CCDC93: variants seen among roughly 807,000 people sequenced by gnomAD.
The protein encoded by CCDC93 is CCC complex scaffolding subunit CCDC93.
Under a neutral mutation model 108.2 loss-of-function variants are expected in CCDC93, and 61 were observed. That is an observed-to-expected ratio of 0.56 (90% CI 0.46 to 0.70). The LOEUF is 0.70. Among genes scored for constraint, CCDC93 ranks in the 30% least tolerant of loss-of-function variants. The pLI is 0.00. For missense variants in CCDC93, 685 were observed against 764.2 expected (o/e 0.90, Z 1.22); for synonymous variants, 276 against 260.4 (o/e 1.06, Z -0.58).
intron 3 of CCDC93, among the ~76,000 whole-genome samples, chr2:118,002,120 A>G (rs1014126052): frequency 6.6e-6 from 1 of 152,170 alleles, no homozygotes; most frequent in Non-Finnish European, 1.5e-5. Flanking sequence ...ATAAACAAAT[A>G]CAGTACTATG....
At chr2:117,995,220 G>A (rs1020681669) in intron 6 of CCDC93, among the ~76,000 whole-genome samples, 2 of 152,290 alleles carry the variant, frequency 1.3e-5, no homozygotes, top group Admixed American at 1.3e-4. Flanking sequence ...CCTTAAAAGT[G>A]GAAGTGAGGG....
chr2:117,977,866 C>A, intron 8 of CCDC93, 128 bp downstream of exon 8: 1 of 798,104 alleles, frequency 1.3e-6, no homozygotes, highest in Non-Finnish European at 2.1e-6. Flanking sequence ...GATGCAGGGG[C>A]CAAAGGCAGC....
At chr2:117,953,316 A>G (rs1273766558) in intron 12 of CCDC93, among the ~76,000 whole-genome samples, 2 of 152,164 alleles carry the variant, frequency 1.3e-5, no homozygotes, top group Non-Finnish European at 2.9e-5. Context: ...TTCATGACTG[A>G]TAAATAGTTA....
At chr2:117,992,255 T>G (rs554583253) in intron 6 of CCDC93, among the ~76,000 whole-genome samples, 129 of 152,152 alleles carry the variant, frequency 8.5e-4, no homozygotes, top group Non-Finnish European at 1.7e-3. Context: ...TTTTATTTAT[T>G]GTTTTGAGAC....
chr2:118,011,060 G>C (rs907880401), intron 1 of CCDC93, among the ~76,000 whole-genome samples: 1 of 151,950 alleles, frequency 6.6e-6, no homozygotes, highest in Non-Finnish European at 1.5e-5. Context: ...TATATACTTG[G>C]GTTTACTCCT....
At chr2:117,920,427 T>A (rs201946319) in intron 23 of CCDC93, 31 bp from the exon 24 acceptor site, 30 of 1,548,082 alleles carry the variant, frequency 1.9e-5, no homozygotes, top group Non-Finnish European at 4.5e-6. Context: ...ATAGAGAGAG[T>A]GGTGACTACA....
intron 7 of CCDC93, among the ~76,000 whole-genome samples, 181 bp downstream of exon 7, chr2:117,985,788 T>C (rs1378117763): frequency 2.0e-5 from 3 of 152,080 alleles, no homozygotes; most frequent in East Asian, 1.9e-4. Flanking sequence ...CAGAGAGGAA[T>C]TGCAAAGGAT....
intron 11 of CCDC93, among the ~76,000 whole-genome samples, chr2:117,960,036 TG>T (rs1314958731): frequency 1.3e-5 from 2 of 152,232 alleles, no homozygotes; most frequent in African/African-American, 4.8e-5. Context: ...TGGATTGACC[TG>T]AACTATGCTA....
chr2:117,955,178 A>G lies in CCDC93; in HGVS notation c.1006-2743T>C, dbSNP rs143246366. Among the ~76,000 whole-genome samples, 550 of 152,342 alleles carry G rather than the reference A, an allele frequency of 3.6e-3. 5 individuals are homozygous for G. The highest frequency in any genetic ancestry group is 0.013 in the African/African-American group (531 of 41,564). On this transcript the variant is annotated intron_variant, in intron 12 of 23. Coordinates refer to ENST00000376300, the MANE Select transcript of CCDC93 (RefSeq NM_019044.5). ...CAAAGTGCTTAGTAATTAGTAAGCA[A>G]TAACAAAGCACTTATTAGCCATTAC... is the stretch of plus-strand genomic sequence containing the variant.
rs1013487693 is a variant in CCDC93 at position 118,008,056 on chromosome 2, G to A, written c.156+489C>T. On this transcript the variant is annotated intron_variant, in intron 2 of 23. Coordinates refer to ENST00000376300, the MANE Select transcript of CCDC93 (RefSeq NM_019044.5). The stretch of plus-strand genomic sequence containing the variant: ...AGAACTGTGCCTCTGTTTTTTCTCT[G>A]TGTCCTCAACACCTATTACTATGAT... 2.0e-5 allele frequency among the ~76,000 whole-genome samples: 3 copies of A among 152,272 alleles called. No homozygotes were observed. The South Asian group carries it at 6.2e-4, about 32-fold the overall frequency.
At chr2:117,946,160 G>C (rs1427286818) in intron 16 of CCDC93, among the ~76,000 whole-genome samples, 1 of 152,202 alleles carries the variant, frequency 6.6e-6, no homozygotes, top group Non-Finnish European at 1.5e-5. Flanking sequence ...CATGGGCACT[G>C]TCCAGTGCAG....
At chr2:117,959,340 T>C (rs1679317746) in intron 11 of CCDC93, among the ~76,000 whole-genome samples, 1 of 152,230 alleles carries the variant, frequency 6.6e-6, no homozygotes, top group Non-Finnish European at 1.5e-5. Context: ...TATAGTTTTA[T>C]TAAACAGTCA....
intron 1 of CCDC93, among the ~76,000 whole-genome samples, chr2:118,013,507 G>A (rs910505323): frequency 6.6e-6 from 1 of 152,204 alleles, no homozygotes; most frequent in African/African-American, 2.4e-5. Context: ...GCGGGGTGGC[G>A]GTAGACGTCC....
Position 117,915,527 on chromosome 2 carries a change from A to C in CCDC93, c.*4816T>G, listed in dbSNP as rs891900723. The C allele has an allele frequency of 3.3e-5, 5 of 152,248 alleles. No homozygotes were observed. The highest frequency in any genetic ancestry group is 7.3e-5 in the Non-Finnish European group (5 of 68,048). 9.4% of individuals were successfully genotyped at this position (152,248 alleles called of 1,614,324 possible). A position where few individuals can be genotyped will look rare whatever the true frequency, so the allele number is the denominator to read the frequency against. The stretch of plus-strand genomic sequence containing the variant: ...TTTAAGAAAGCAGATTTAGAGAATC[A>C]GAATTTTCTTCCATTTTGGTTCTAT... On this transcript the variant is annotated 3_prime_UTR_variant, in exon 24 of 24. Transcript: ENST00000376300.
chr2:117,974,311 G>A (rs1679862309), intron 10 of CCDC93, among the ~76,000 whole-genome samples: 1 of 152,118 alleles, frequency 6.6e-6, no homozygotes. Flanking sequence ...AACAGAGCCT[G>A]CAGGGGATTT....
intron 12 of CCDC93, among the ~76,000 whole-genome samples, chr2:117,957,305 C>A (rs143763687): frequency 2.3e-4 from 35 of 152,310 alleles, no homozygotes; most frequent in African/African-American, 8.4e-4. Flanking sequence ...AGTCAAACTT[C>A]CCAGCTTCCT....
chr2:117,981,790 AG>A (rs1206639725), intron 7 of CCDC93, among the ~76,000 whole-genome samples: 3 of 152,334 alleles, frequency 2.0e-5, no homozygotes, highest in Admixed American at 6.5e-5. Flanking sequence ...GAGCCACACT[AG>A]TCGCATTTCA....
intron 22 of CCDC93, among the ~76,000 whole-genome samples, 179 bp downstream of exon 22, chr2:117,935,316 A>G (rs895489692): frequency 6.6e-6 from 1 of 152,192 alleles, no homozygotes; most frequent in Non-Finnish European, 1.5e-5. Context: ...TAGGCAGCTC[A>G]TGAGACAGGC....
chr2:118,013,103 AC>A (rs1387105744), intron 1 of CCDC93, among the ~76,000 whole-genome samples: 1 of 152,234 alleles, frequency 6.6e-6, no homozygotes, highest in Non-Finnish European at 1.5e-5. Flanking sequence ...GAAAGGGACG[AC>A]AGATGCAAAC....
Sources: gnomAD v4.1 joint callset for allele counts (sites outside exome capture counted in the v4.1 genomes callset) on GRCh38, gnomAD v4.1.1 for gene constraint, MANE v1.5 for transcripts, NCBI Gene and HGNC (gene_info 2026-07-23, HGNC 2026-07-21) for gene names.